Variants in SBNO1 observed in about 807,000 individuals in gnomAD.
SBNO1 encodes strawberry notch homolog 1.
SBNO1 carries 23 observed loss-of-function variants against 173.6 expected under a neutral mutation model. The observed-to-expected ratio is 0.13, with a 90% CI of 0.10 to 0.19. The LOEUF (loss-of-function observed/expected upper bound fraction) is 0.19. SBNO1 is among the 10% of genes least tolerant of loss of function. SBNO1 has a pLI of 1.00. For synonymous variants in SBNO1, 632 were observed against 571.5 expected (o/e 1.11, Z -1.51); for missense variants, 1,238 against 1,671.2 (o/e 0.74, Z 4.52).
intron 4 of SBNO1, among the ~76,000 whole-genome samples, chr12:123,344,120 T>A (rs897163795): frequency 6.6e-6 from 1 of 152,156 alleles, no homozygotes; most frequent in African/African-American, 2.4e-5. Flanking sequence ...AAGCCACTCA[T>A]ATAAGAAGCA....
chr12:123,311,233 A>G, intron 24 of SBNO1, 104 bp from the exon 25 acceptor site: 2 of 786,642 alleles, frequency 2.5e-6, no homozygotes, highest in East Asian at 5.1e-5. Flanking sequence ...CCATTTTAAA[A>G]AAACACCTTG....
At chr12:123,353,844 T>A (rs1874144157) in intron 1 of SBNO1, among the ~76,000 whole-genome samples, 1 of 152,208 alleles carries the variant, frequency 6.6e-6, no homozygotes, top group Non-Finnish European at 1.5e-5. Context: ...CTCTTTAAAA[T>A]AAATACTGGA....
intron 14 of SBNO1, among the ~76,000 whole-genome samples, 153 bp downstream of exon 14, chr12:123,325,999 G>A (rs999441943): frequency 5.9e-5 from 9 of 152,094 alleles, no homozygotes; most frequent in African/African-American, 1.9e-4. Flanking sequence ...AATTCTCTAA[G>A]CAGGCATTGC....
In SBNO1 at chr12:123,320,037, A is replaced by T; in HGVS notation, c.2668-6T>A. 1 of 1,613,906 alleles carries T rather than the reference A, an allele frequency of 6.2e-7. No homozygotes were observed. Among genetic ancestry groups the T allele is most frequent in the Non-Finnish European group, 8.5e-7 (1 of 1,179,954 alleles). Reference sequence around the variant, plus strand: ...CGTCCCTTGCGGCCAGTCATCTGAGAAGCCAAACAATGTCATTACAATGAA... The same window carrying T: ...CGTCCCTTGCGGCCAGTCATCTGAGTAGCCAAACAATGTCATTACAATGAA... On this transcript the variant is annotated splice_polypyrimidine_tract_variant and splice_region_variant and intron_variant, in intron 19 of 31. Transcript: ENST00000602398.
intron 1 of SBNO1, among the ~76,000 whole-genome samples, chr12:123,353,599 T>C (rs140760994): frequency 3.3e-4 from 50 of 152,270 alleles, no homozygotes; most frequent in African/African-American, 1.1e-3. Context: ...CTGATGACTT[T>C]TGATTCAAAA....
At chr12:123,341,551 C>T (rs187479718) in intron 4 of SBNO1, among the ~76,000 whole-genome samples, 74 of 152,248 alleles carry the variant, frequency 4.9e-4, no homozygotes, top group Non-Finnish European at 7.4e-4. Context: ...TTTGGAGTTT[C>T]ACTCTTGTTG....
Position 123,321,601 on chromosome 12 carries a change from T to C in SBNO1, c.2257A>G (p.Met753Val), listed in dbSNP as rs766116613. Residue 753 changes from methionine to valine, a missense_variant, in exon 17 of 32, where the codon ATG (methionine) becomes GTG (valine). Around this residue, in one of 14 missense-constraint regions of SBNO1, gnomAD observed 81 missense variants for 82.6 expected, o/e 0.98. Coordinates refer to ENST00000602398, the MANE Select transcript of SBNO1 (RefSeq NM_001167856.3). ...EESDYESSKNMSSGDDDDFNP... is the reference protein window; with the variant it reads ...EESDYESSKNVSSGDDDDFNP... ...AAATCGTCATCATCTCCAGAACTCA[T>C]GTTTTTAGAGCTCTCATAGTCACTT... 1.2e-6 allele frequency: 2 copies of C among 1,614,084 alleles called. No individual in the cohort carries two copies. Among genetic ancestry groups the C allele is most frequent in the Non-Finnish European group, 1.7e-6 (2 of 1,179,916 alleles).
At chr12:123,300,687 C>T (rs1195007435) in intron 30 of SBNO1, among the ~76,000 whole-genome samples, 4 of 148,948 alleles carry the variant, frequency 2.7e-5, no homozygotes, top group Admixed American at 1.3e-4. Context: ...AGGGGCAAGG[C>T]GCGGTGGCTT....
In SBNO1 at chr12:123,328,876, G is replaced by A; in HGVS notation, c.1154C>T (p.Ser385Phe). The A allele has an allele frequency of 6.4e-7, 1 of 1,561,458 alleles. No homozygotes were observed. Among genetic ancestry groups the A allele is most frequent in the Non-Finnish European group, 8.7e-7 (1 of 1,148,864 alleles). Residue 385 changes from serine (S) to phenylalanine (F), a missense_variant, in exon 10 of 32, where the codon TCT (serine) becomes TTT (phenylalanine). Physicochemically the swap from Ser to Phe is radical, Grantham distance 155. Around this residue, in one of 14 missense-constraint regions of SBNO1, gnomAD observed 56 missense variants for 65.1 expected, o/e 0.86. Transcript: ENST00000602398. ...SLNKFKYGKI[S>F]SKHNGSVKKG... Reference sequence around the variant, plus strand: ...TTTCACACTCCCATTATGTTTGGAAGAAATTTTTCCGTATTTAAACTAAAA... The same window carrying A: ...TTTCACACTCCCATTATGTTTGGAAAAAATTTTTCCGTATTTAAACTAAAA...
At chr12:123,332,054 T>C (rs1210942592) in intron 7 of SBNO1, among the ~76,000 whole-genome samples, 1 of 151,528 alleles carries the variant, frequency 6.6e-6, no homozygotes, top group Non-Finnish European at 1.5e-5. Flanking sequence ...TTTCACCACG[T>C]TGACCAGGAT....
chr12:123,310,563 G>A (rs2138920441), intron 25 of SBNO1, among the ~76,000 whole-genome samples: 1 of 151,160 alleles, frequency 6.6e-6, no homozygotes, highest in Non-Finnish European at 1.5e-5. Context: ...ACGGAGTCTT[G>A]CTCTATTGTC....
At chr12:123,323,423 C>T (rs182841543) in intron 16 of SBNO1, among the ~76,000 whole-genome samples, 163 of 152,244 alleles carry the variant, frequency 1.1e-3, no homozygotes, top group Middle Eastern at 3.4e-3. Context: ...AGCGCTATCT[C>T]GGCTCACTGC....
Position 123,347,621 on chromosome 12 carries a change from T to C in SBNO1, c.237+408A>G, listed in dbSNP as rs560749119. On this transcript the variant is annotated intron_variant, in intron 3 of 31. Transcript: ENST00000602398. ...GCTCACTGCAACCTCCTCCACTTCCTGGGTTCAAGAGATTCTCCTGCCTCA... is the reference window on the plus strand; with the variant it reads ...GCTCACTGCAACCTCCTCCACTTCCCGGGTTCAAGAGATTCTCCTGCCTCA... 1.2e-4 allele frequency among the ~76,000 whole-genome samples: 18 copies of C among 151,028 alleles called. No homozygotes were observed. The South Asian group carries it at 2.5e-3, about 21-fold the overall frequency.
intron 28 of SBNO1, among the ~76,000 whole-genome samples, chr12:123,308,820 T>C (rs553008081): frequency 2.6e-5 from 4 of 151,980 alleles, no homozygotes; most frequent in African/African-American, 7.2e-5. Flanking sequence ...ATAAAAAAAT[T>C]AGGCTGGGCA....
chr12:123,362,812 A>G (rs1875513398), intron 1 of SBNO1, among the ~76,000 whole-genome samples: 1 of 150,840 alleles, frequency 6.6e-6, no homozygotes, highest in African/African-American at 2.4e-5. Context: ...GGGGCCAGGC[A>G]CAATGGCTCA....
At chr12:123,297,727 G>A (rs1297747925) in intron 31 of SBNO1, among the ~76,000 whole-genome samples, 1 of 152,148 alleles carries the variant, frequency 6.6e-6, no homozygotes, top group African/African-American at 2.4e-5. Flanking sequence ...ACCAAGAGTA[G>A]AGAAGGAGAG....
In SBNO1 at chr12:123,363,916, C is replaced by A; in HGVS notation, c.-1+785G>T. ...TTTAGGAACATCCAAATCTCCTCAGCGGTTAAACCGACCCCAAACCACTTC... is the reference window on the plus strand; with the variant it reads ...TTTAGGAACATCCAAATCTCCTCAGAGGTTAAACCGACCCCAAACCACTTC... On this transcript the variant is annotated intron_variant, in intron 1 of 31. Transcript: ENST00000602398. The A allele has an allele frequency of 3.0e-6, 3 of 985,454 alleles. 1 individual carries two copies. In the South Asian group the frequency reaches 1.4e-4, roughly 46 times the overall value. 61.0% of individuals were successfully genotyped at this position (985,454 alleles called of 1,614,324 possible).
intron 10 of SBNO1, 66 bp downstream of exon 10, chr12:123,328,668 A>T: frequency 8.1e-7 from 1 of 1,233,124 alleles, no homozygotes. Context: ...CCTGTTTCCC[A>T]AAGGTCTACC....
rs191036499 is a variant in SBNO1 at position 123,293,197 on chromosome 12, A to G, written c.*2711T>C. On this transcript the variant is annotated 3_prime_UTR_variant, in exon 32 of 32. Coordinates refer to ENST00000602398, the MANE Select transcript of SBNO1 (RefSeq NM_001167856.3). Reference sequence around the variant, plus strand: ...GGTGTGGCATTTAGATCCTGCAATGAATGGACCTATTTTACAGAAGTCAGC... The same window carrying G: ...GGTGTGGCATTTAGATCCTGCAATGGATGGACCTATTTTACAGAAGTCAGC... The G allele has an allele frequency of 6.6e-6, 1 of 152,196 alleles. No homozygotes were observed. The highest frequency in any genetic ancestry group is 1.5e-5 in the Non-Finnish European group (1 of 68,036). The allele number at this position is 152,196 out of a possible 1,614,324, so 9.4% of individuals were successfully genotyped here. A position where few individuals can be genotyped will look rare whatever the true frequency, so the allele number is the denominator to read the frequency against.
Sources: gnomAD v4.1 joint callset for allele counts (sites outside exome capture counted in the v4.1 genomes callset) on GRCh38, gnomAD v4.1.1 for gene constraint, gnomAD v4.1.1 regional missense constraint, MANE v1.5 for transcripts, NCBI Gene and HGNC (gene_info 2026-07-23, HGNC 2026-07-21) for gene names.